NRXN1: variants seen among roughly 807,000 people sequenced by gnomAD.
NRXN1 encodes the protein neurexin 1.
NRXN1 carries 39 observed loss-of-function variants against 150.9 expected under a neutral mutation model. The ratio of observed to expected loss-of-function variants is 0.26; its 90% confidence interval spans 0.20 to 0.34. The LOEUF is 0.34. Among genes scored for constraint, NRXN1 ranks in the 10% least tolerant of loss-of-function variants. The pLI is 1.00. For synonymous variants in NRXN1, 924 were observed against 757.0 expected (o/e 1.22, Z -3.62); for missense variants, 1,815 against 1,949.9 (o/e 0.93, Z 1.30).
At chr2:50,727,298 C>A (rs991853624) in intron 5 of NRXN1, among the ~76,000 whole-genome samples, 3 of 152,136 alleles carry the variant, frequency 2.0e-5, no homozygotes, top group African/African-American at 7.2e-5. Context: ...ATTCCAGTTA[C>A]AACATACATG....
chr2:50,358,898 C>A (rs540441792), intron 17 of NRXN1, among the ~76,000 whole-genome samples: 1 of 152,230 alleles, frequency 6.6e-6, no homozygotes, highest in African/African-American at 2.4e-5. Flanking sequence ...AAGCAGCAAC[C>A]TTTACTGTTC....
intron 18 of NRXN1, among the ~76,000 whole-genome samples, chr2:50,132,636 A>C (rs1705702979): frequency 6.6e-6 from 1 of 151,668 alleles, no homozygotes; most frequent in Non-Finnish European, 1.5e-5. Flanking sequence ...GACTTTTTTG[A>C]TGTGAATTGG....
At chr2:50,686,018 T>C (rs1328144646) in intron 5 of NRXN1, among the ~76,000 whole-genome samples, 6 of 152,106 alleles carry the variant, frequency 3.9e-5, no homozygotes, top group African/African-American at 1.4e-4. Flanking sequence ...TTGGAGCTAC[T>C]TACTTCCTCT....
intron 12 of NRXN1, among the ~76,000 whole-genome samples, chr2:50,527,502 A>G (rs1422975847): frequency 6.6e-6 from 1 of 152,308 alleles, no homozygotes; most frequent in South Asian, 2.1e-4. Context: ...TTAATTTTTA[A>G]TAAGTCATCA....
At chr2:50,490,177 A>G (rs1312508939) in intron 15 of NRXN1, among the ~76,000 whole-genome samples, 1 of 152,208 alleles carries the variant, frequency 6.6e-6, no homozygotes, top group South Asian at 2.1e-4. Context: ...AATTGCCTCA[A>G]AAGTGGTGTC....
At chr2:50,208,979 T>G (rs2062817474) in intron 18 of NRXN1, among the ~76,000 whole-genome samples, 1 of 152,120 alleles carries the variant, frequency 6.6e-6, no homozygotes, top group African/African-American at 2.4e-5. Flanking sequence ...GACATTTTCC[T>G]TTATTGCACA....
At chr2:50,735,346 TA>T (rs1350711676) in intron 5 of NRXN1, among the ~76,000 whole-genome samples, 2 of 151,390 alleles carry the variant, frequency 1.3e-5, no homozygotes. Context: ...AAATAGCAAA[TA>T]AAAAATAAAT....
intron 8 of NRXN1, among the ~76,000 whole-genome samples, chr2:50,610,638 G>GATATATAT (rs1573776539): frequency 6.8e-5 from 2 of 29,550 alleles, no homozygotes; most frequent in Non-Finnish European, 1.4e-4. Flanking sequence ...ACTATAAATA[G>GATATATAT]ATACATATAT....
chr2:50,038,448 T>C (rs1690387166), intron 21 of NRXN1, among the ~76,000 whole-genome samples: 1 of 152,088 alleles, frequency 6.6e-6, no homozygotes, highest in African/African-American at 2.4e-5. Flanking sequence ...TGTAAGATAA[T>C]AAGGCATGCT....
intron 5 of NRXN1, among the ~76,000 whole-genome samples, chr2:50,709,176 T>C (rs527909120): frequency 1.3e-5 from 2 of 152,270 alleles, no homozygotes; most frequent in East Asian, 1.9e-4. Flanking sequence ...AGGAATGAGC[T>C]TGGTATTGGT....
At chr2:50,681,207 C>A (rs1038702856) in intron 5 of NRXN1, among the ~76,000 whole-genome samples, 4 of 152,156 alleles carry the variant, frequency 2.6e-5, no homozygotes, top group African/African-American at 9.7e-5. Flanking sequence ...GTGAATTAAA[C>A]CAACAACATC....
intron 8 of NRXN1, among the ~76,000 whole-genome samples, chr2:50,578,065 A>G (rs1476686580): frequency 6.6e-6 from 1 of 152,168 alleles, no homozygotes; most frequent in African/African-American, 2.4e-5. Context: ...AAAACCATTA[A>G]AGACTACAAT....
At chr2:50,000,429 G>C (rs1358891600) in intron 21 of NRXN1, among the ~76,000 whole-genome samples, 6 of 152,114 alleles carry the variant, frequency 3.9e-5, no homozygotes, top group Non-Finnish European at 4.4e-5. Flanking sequence ...TTAATATTAT[G>C]TGATATCCAT....
chr2:50,463,021 A>G (rs568817853), intron 17 of NRXN1, among the ~76,000 whole-genome samples: 140 of 151,890 alleles, frequency 9.2e-4, no homozygotes, highest in African/African-American at 3.3e-3. Context: ...CTGCAATCAC[A>G]GAATTTATGA....
At chr2:50,485,937 CCA>C (rs2090840000) in intron 15 of NRXN1, among the ~76,000 whole-genome samples, 1 of 152,134 alleles carries the variant, frequency 6.6e-6, no homozygotes. Flanking sequence ...CAGTGACTGA[CCA>C]AAGCAGAGGG....
chr2:50,023,520 G>T (rs1321754684), intron 21 of NRXN1: 1 of 151,844 alleles, frequency 6.6e-6, no homozygotes, highest in Admixed American at 6.6e-5. Flanking sequence ...TGAAAATCTT[G>T]AACTGGTTTT....
At chr2:50,216,324 AT>A (rs1385739100) in intron 18 of NRXN1, among the ~76,000 whole-genome samples, 8 of 152,024 alleles carry the variant, frequency 5.3e-5, no homozygotes, top group Non-Finnish European at 1.0e-4. Context: ...GATACTTGTT[AT>A]TGTTTTTTCA....
chr2:50,965,928 C>G (rs1694000619), intron 2 of NRXN1, among the ~76,000 whole-genome samples: 1 of 151,276 alleles, frequency 6.6e-6, no homozygotes, highest in Non-Finnish European at 1.5e-5. Flanking sequence ...TACATGAGAC[C>G]AGTAAATAGC....
chr2:49,962,348 A>G (rs1676116998), intron 21 of NRXN1, among the ~76,000 whole-genome samples: 1 of 151,844 alleles, frequency 6.6e-6, no homozygotes, highest in Non-Finnish European at 1.5e-5. Flanking sequence ...ATCCCGTAAT[A>G]GAAATTTGGA....
Sources: allele counts gnomAD v4.1 joint callset (sites outside exome capture counted in the v4.1 genomes callset), GRCh38; gene constraint gnomAD v4.1.1; transcripts MANE v1.5; gene names NCBI Gene and HGNC (gene_info 2026-07-23, HGNC 2026-07-21).